The following ZFHX3 variants were observed in gnomAD, a reference collection of about 807,000 sequenced individuals.
ZFHX3 encodes the protein zinc finger homeobox 3, also known as zinc finger homeobox protein 3.
In ZFHX3, 42 loss-of-function variants were observed where a neutral mutation model predicts 279.1. The observed-to-expected ratio is 0.15, with a 90% CI of 0.12 to 0.19. The LOEUF (loss-of-function observed/expected upper bound fraction) is 0.19. ZFHX3 is among the 10% of genes least tolerant of loss of function. The pLI is 1.00. For missense variants in ZFHX3, 4,981 were observed against 4,754.0 expected (o/e 1.05, Z -1.40); for synonymous variants, 2,293 against 1,957.8 (o/e 1.17, Z -4.52).
At chr16:73,511,398 G>C (rs986209531) in intron 2 of ZFHX3, among the ~76,000 whole-genome samples, 69 of 152,162 alleles carry the variant, frequency 4.5e-4, no homozygotes, top group Non-Finnish European at 1.3e-4. Flanking sequence ...GCCAGGCATG[G>C]TGAAAATCCT....
intron 8 of ZFHX3, among the ~76,000 whole-genome samples, chr16:73,080,635 A>C (rs1965931956): frequency 6.6e-6 from 1 of 151,892 alleles, no homozygotes; most frequent in South Asian, 2.1e-4. Context: ...GTACAGTAGT[A>C]TGATCAGAGC....
At chr16:73,442,321 G>A (rs2018108521) in intron 3 of ZFHX3, among the ~76,000 whole-genome samples, 1 of 151,422 alleles carries the variant, frequency 6.6e-6, no homozygotes, top group African/African-American at 2.4e-5. Context: ...TTGCATCTTT[G>A]TACTGTCTTT....
chr16:73,025,183 T>C (rs1382057738), intron 1 of ZFHX3, among the ~76,000 whole-genome samples: 1 of 152,096 alleles, frequency 6.6e-6, no homozygotes, highest in Non-Finnish European at 1.5e-5. Context: ...GAAAATGTCA[T>C]GTCAGCTATG....
At chr16:73,141,950 C>T (rs1567400630) in intron 6 of ZFHX3, among the ~76,000 whole-genome samples, 3 of 152,162 alleles carry the variant, frequency 2.0e-5, no homozygotes, top group African/African-American at 4.8e-5. Context: ...AGGGTTTATA[C>T]TGAGTTGGCT....
chr16:72,876,037 C>G (rs1299092523), intron 4 of ZFHX3, among the ~76,000 whole-genome samples: 1 of 152,208 alleles, frequency 6.6e-6, no homozygotes, highest in Non-Finnish European at 1.5e-5. Flanking sequence ...ATCTAGCATC[C>G]TGGTTACTCA....
In ZFHX3 at chr16:73,162,783, T is replaced by G. The variant is rs141492014; in HGVS notation, c.-1103-18952A>C. On this transcript the variant is annotated intron_variant, in intron 5 of 17. Coordinates refer to the ZFHX3 transcript ENST00000641206. ...CCCGGAATGTCGAATTTTCCACAAATAAAAATATTTATTTTCAGGTAAATC... is the reference window on the plus strand; with the variant it reads ...CCCGGAATGTCGAATTTTCCACAAAGAAAAATATTTATTTTCAGGTAAATC... 3.3e-5 allele frequency among the ~76,000 whole-genome samples: 5 copies of G among 152,262 alleles called. No individual in the cohort carries two copies. The East Asian group carries it at 9.7e-4, about 29-fold the overall frequency.
intron 5 of ZFHX3, among the ~76,000 whole-genome samples, chr16:73,211,072 T>C (rs2011998919): frequency 1.3e-5 from 2 of 152,296 alleles, no homozygotes; most frequent in South Asian, 4.1e-4. Flanking sequence ...GACCCCTGGC[T>C]TTACATTCAA....
chr16:73,290,652 A>G (rs867026936), intron 4 of ZFHX3, among the ~76,000 whole-genome samples: 6 of 152,194 alleles, frequency 3.9e-5, no homozygotes, highest in African/African-American at 1.4e-4. Context: ...TTCTTCTACT[A>G]TGCTACATGT....
intron 2 of ZFHX3, among the ~76,000 whole-genome samples, chr16:73,474,369 G>C (rs989667366): frequency 1.3e-5 from 2 of 152,118 alleles, no homozygotes. Flanking sequence ...GGCCGGTCTC[G>C]AACTCCTGAC....
intron 7 of ZFHX3, among the ~76,000 whole-genome samples, chr16:72,810,848 T>C (rs776299782): frequency 1.3e-5 from 2 of 152,200 alleles, no homozygotes; most frequent in African/African-American, 2.4e-5. Flanking sequence ...AGTTTCCTTA[T>C]CTGCTGATGG....
chr16:73,334,810 C>CCTTTTTTTTTTTTTTTTTT (rs1555510772), intron 3 of ZFHX3, among the ~76,000 whole-genome samples: 2 of 57,858 alleles, frequency 3.5e-5, no homozygotes, highest in African/African-American at 5.8e-5. Flanking sequence ...CTTTCTCATT[C>CCTTTTTTTTTTTTTTTTTT]TTTTTTTTTT....
At chr16:73,373,275 T>C (rs1230159647) in intron 3 of ZFHX3, among the ~76,000 whole-genome samples, 1 of 152,178 alleles carries the variant, frequency 6.6e-6, no homozygotes, top group Non-Finnish European at 1.5e-5. Context: ...AATTGTGCTA[T>C]GTTTCATGAA....
chr16:73,810,206 T>C (rs328314), intron 1 of ZFHX3, among the ~76,000 whole-genome samples: 10,714 of 152,234 alleles, frequency 0.07, 907 homozygotes, highest in African/African-American at 0.21. Flanking sequence ...TTAAATCCTA[T>C]AACTCAAGCC....
intron 1 of ZFHX3, among the ~76,000 whole-genome samples, chr16:73,036,736 C>T (rs1395822863): frequency 6.6e-6 from 1 of 152,044 alleles, no homozygotes; most frequent in African/African-American, 2.4e-5. Flanking sequence ...AACTTTTCTC[C>T]TTGGGTTAAT....
At chr16:73,164,763 C>T (rs901881639) in intron 5 of ZFHX3, among the ~76,000 whole-genome samples, 3 of 151,782 alleles carry the variant, frequency 2.0e-5, no homozygotes, top group Non-Finnish European at 2.9e-5. Context: ...CCAACACTTC[C>T]TGAAGGCTTT....
In ZFHX3 at chr16:73,372,209, C is replaced by T. The variant is rs140468450; in HGVS notation, c.-1290-53873G>A. ...TTAAAGTCCAGAAGTCCCTGTAGTC[C>T]GCCTACCAGTACTTTTGTGAAGATT... On this transcript the variant is annotated intron_variant, in intron 3 of 17. Coordinates refer to the ZFHX3 transcript ENST00000641206. Among the ~76,000 whole-genome samples the T allele has an allele frequency of 3.1e-3, 478 of 152,226 alleles. 2 individuals carry two copies. Among genetic ancestry groups the T allele is most frequent in the South Asian group, 0.012 (57 of 4,818 alleles).
At chr16:72,936,211 T>C (rs895885049) in intron 3 of ZFHX3, among the ~76,000 whole-genome samples, 8 of 152,228 alleles carry the variant, frequency 5.3e-5, no homozygotes, top group Non-Finnish European at 1.2e-4. Flanking sequence ...CTTAGGGCTC[T>C]ACCTTATGAA....
intron 7 of ZFHX3, among the ~76,000 whole-genome samples, chr16:73,115,671 T>C (rs1966423994): frequency 6.6e-6 from 1 of 152,192 alleles, no homozygotes; most frequent in Non-Finnish European, 1.5e-5. Context: ...TAGGGCTAGA[T>C]GCTTTACGTC....
chr16:73,410,568 A>C (rs945291803), intron 3 of ZFHX3, among the ~76,000 whole-genome samples: 2 of 152,198 alleles, frequency 1.3e-5, no homozygotes, highest in Non-Finnish European at 2.9e-5. Context: ...TGTCTTATGT[A>C]CCCCAAAAAT....
Sources: gnomAD v4.1 joint callset for allele counts (sites outside exome capture counted in the v4.1 genomes callset) on GRCh38, gnomAD v4.1.1 for gene constraint, MANE v1.5 for transcripts, NCBI Gene and HGNC (gene_info 2026-07-23, HGNC 2026-07-21) for gene names.